PCK2: variants seen among roughly 807,000 people sequenced by gnomAD.
The protein encoded by PCK2 is phosphoenolpyruvate carboxykinase [GTP], mitochondrial.
PCK2 carries 56 observed loss-of-function variants against 65.9 expected under a neutral mutation model. That is an observed-to-expected ratio of 0.85 (90% CI 0.69 to 1.06). The LOEUF is 1.06. Ranked by LOEUF, PCK2 falls within the 50% of genes least tolerant of loss-of-function variation. The pLI is 0.00. For synonymous variants in PCK2, 305 were observed against 319.6 expected, an observed-to-expected ratio of 0.95 and a Z score of 0.49; for missense variants, 843 against 863.1, an observed-to-expected ratio of 0.98 and a Z score of 0.29.
At chr14:24,102,715 G>C in intron 7 of PCK2, 38 bp from the exon 8 acceptor site, 1 of 1,584,564 alleles carries the variant, frequency 6.3e-7, no homozygotes, top group East Asian at 2.2e-5. Flanking sequence ...GGGTCGACAT[G>C]ACCTTGGAAA....
Position 24,094,617 on chromosome 14 carries a change from C to T in PCK2, c.29+183C>T. On this transcript the variant is annotated intron_variant, in intron 1 of 9. Transcript: ENST00000216780. This position sits in a 1 kb window ranked among gnomAD's most constrained non-coding sequence, Gnocchi z 4.1. ...CGCGTCTCTTGGGAGGGCAGCCGGCCGGTGCTCCTCGTTTCCGCCTGCACC... is the reference window on the plus strand; with the variant it reads ...CGCGTCTCTTGGGAGGGCAGCCGGCTGGTGCTCCTCGTTTCCGCCTGCACC... 3 of 1,465,138 alleles carry T rather than the reference C, an allele frequency of 2.0e-6. No homozygotes were observed. Among genetic ancestry groups the T allele is most frequent in the Non-Finnish European group, 2.7e-6 (3 of 1,109,248 alleles). The allele number at this position is 1,465,138 out of a possible 1,614,324, so 90.8% of individuals were successfully genotyped here.
rs1193364826 is a variant in PCK2, at chr14:24,103,730, G to C, written c.1689G>C (p.Glu563Asp). Residue 563 changes from glutamate (E) to aspartate (D), a missense_variant, in exon 10 of 10, where the codon GAG (glutamate) becomes GAC (aspartate). Glu to Asp is a conservative substitution (Grantham distance 45, BLOSUM62 2). Transcript: ENST00000216780. ...RVLDWICRRL[E>D]GEDSARETPI... ...TAGACTGGATCTGCCGGCGGTTAGA[G>C]GGGGAGGACAGTGCCCGAGAGACAC... 4 of 1,614,134 alleles carry C rather than the reference G, an allele frequency of 2.5e-6. No homozygotes were observed. The Admixed American group carries it at 6.7e-5, about 27-fold the overall frequency.
In PCK2 at chr14:24,103,146, C is replaced by T. The variant is rs745878893; in HGVS notation, c.1373-14C>T. 1 of 1,600,806 alleles carries T rather than the reference C, an allele frequency of 6.2e-7. No individual in the cohort carries two copies. ...GAAAAGGGCTGCCTGTGACTCTGTT[C>T]ATTGGTGATCTAGGGGTACCCCTGG... On this transcript the variant is annotated splice_polypyrimidine_tract_variant and intron_variant, in intron 8 of 9. Coordinates refer to ENST00000216780, the MANE Select transcript of PCK2 (RefSeq NM_004563.4).
In PCK2 at chr14:24,096,308, G is replaced by A. The variant is rs1421956204; in HGVS notation, c.30-584G>A. On this transcript the variant is annotated intron_variant, in intron 1 of 9. Transcript: ENST00000216780. ...GGTTGGAGTGCAGTGTCCCGATCTCGGCTCACTGCAACCTCCACCTCCCGG... is the reference window on the plus strand; with the variant it reads ...GGTTGGAGTGCAGTGTCCCGATCTCAGCTCACTGCAACCTCCACCTCCCGG... Among the ~76,000 whole-genome samples the A allele has an allele frequency of 3.0e-5, 4 of 134,734 alleles. No individual in the cohort carries two copies. The Admixed American group carries it at 3.4e-4, about 12-fold the overall frequency. The allele number at this position is 134,734 out of a possible 152,430, so 88.4% of individuals were successfully genotyped here. A position where few individuals can be genotyped will look rare whatever the true frequency, so the allele number is the denominator to read the frequency against.
At chr14:24,103,457 T>C (rs565018366) in intron 9 of PCK2, 53 bp from the exon 10 acceptor site, 3 of 1,477,268 alleles carry the variant, frequency 2.0e-6, no homozygotes, top group East Asian at 4.6e-5. Flanking sequence ...CAGGGTGCCC[T>C]TCCCTACCCC....
rs777695433 is a variant in PCK2 at position 24,103,303 on chromosome 14, G to A, written c.1468+48G>A. On this transcript the variant is annotated intron_variant, in intron 9 of 9. Transcript: ENST00000216780. ...CCTCTCCTGTGTGTGCACACAGCAC[G>A]TCCTCTCTCCCTTCCTGAGCCAGAC... is the stretch of plus-strand genomic sequence containing the variant. The A allele has an allele frequency of 2.1e-5, 31 of 1,445,568 alleles. No individual in the cohort carries two copies. In the East Asian group the frequency reaches 3.7e-4, roughly 17 times the overall value. The allele number at this position is 1,445,568 out of a possible 1,614,324, so 89.5% of individuals were successfully genotyped here. A position where few individuals can be genotyped will look rare whatever the true frequency, so the allele number is the denominator to read the frequency against.
intron 7 of PCK2, 126 bp downstream of exon 7, chr14:24,100,339 G>A (rs1185768267): frequency 6.7e-7 from 1 of 1,489,080 alleles, no homozygotes; most frequent in Admixed American, 2.6e-5. Context: ...ATGAACGTTT[G>A]CAGTTTCCAG....
In PCK2 at chr14:24,094,586, G is replaced by C; in HGVS notation, c.29+152G>C. On this transcript the variant is annotated intron_variant, in intron 1 of 9. Coordinates refer to ENST00000216780, the MANE Select transcript of PCK2 (RefSeq NM_004563.4). This position sits in a 1 kb window ranked among gnomAD's most constrained non-coding sequence, Gnocchi z 4.1. ...GCGACTGCTGTGGGTCCAGCCTCCC[G>C]CGCCGCGCGTCTCTTGGGAGGGCAG... 1 of 1,450,578 alleles carries C rather than the reference G, an allele frequency of 6.9e-7. No individual in the cohort carries two copies. Among genetic ancestry groups the C allele is most frequent in the Non-Finnish European group, 9.0e-7 (1 of 1,104,984 alleles). The allele number at this position is 1,450,578 out of a possible 1,614,324, so 89.9% of individuals were successfully genotyped here.
chr14:24,103,208 T>G lies in PCK2; in HGVS notation c.1421T>G (p.Val474Gly), dbSNP rs748383162. The G allele has an allele frequency of 5.0e-6, 8 of 1,614,142 alleles. No homozygotes were observed. Among genetic ancestry groups the G allele is most frequent in the Non-Finnish European group, 6.8e-6 (8 of 1,179,980 alleles). The change falls in exon 9 of 10, where the codon GTG (valine) becomes GGG (glycine). Residue 474 changes from valine (V) to glycine (G), a missense_variant. Coordinates refer to ENST00000216780, the MANE Select transcript of PCK2 (RefSeq NM_004563.4). ...EAFNWRHGVF[V>G]GSAMRSESTA... The stretch of plus-strand genomic sequence containing the variant: ...TTCAACTGGCGTCATGGGGTGTTTG[T>G]GGGCAGCGCCATGCGCTCTGAGTCC...
chr14:24,099,713 C>T lies in PCK2; in HGVS notation c.1008C>T (p.Asp336=). 6.2e-7 allele frequency: 1 copy of T among 1,613,546 alleles called. No homozygotes were observed. The highest frequency in any genetic ancestry group is 1.1e-5 in the South Asian group (1 of 91,074). ...ATGATATTGCTTGGATGAGGTTTGA[C>T]AGTGAAGGTGAGGGACTCTCAGATC... ...VGDDIAWMRF[D]SEGRLRAINP... The change falls in exon 6 of 10, where the codon GAC becomes GAT. Residue 336 remains aspartate (D), a synonymous_variant. Coordinates refer to ENST00000216780, the MANE Select transcript of PCK2 (RefSeq NM_004563.4).
chr14:24,103,862 T>C lies in PCK2; in HGVS notation c.1821T>C (p.Val607=). The C allele has an allele frequency of 6.2e-7, 1 of 1,614,170 alleles. No individual in the cohort carries two copies. Among genetic ancestry groups the C allele is most frequent in the Non-Finnish European group, 8.5e-7 (1 of 1,180,016 alleles). The change falls in exon 10 of 10, where the codon GTT becomes GTC. Residue 607 remains valine, a synonymous_variant. Transcript: ENST00000216780. ...CCAAGGACTTCTGGGAACAGGAGGT[T>C]CGTGACATTCGGAGCTACCTGACAG... ...SLPKDFWEQE[V]RDIRSYLTEQ...
intron 7 of PCK2, among the ~76,000 whole-genome samples, chr14:24,101,595 G>C (rs1316933005): frequency 6.6e-6 from 1 of 152,192 alleles, no homozygotes; most frequent in Non-Finnish European, 1.5e-5. Context: ...GGTCTAAGCA[G>C]GGCAGGGAAA....
intron 9 of PCK2, 76 bp from the exon 10 acceptor site, chr14:24,103,431 TTCC>T: frequency 7.6e-7 from 1 of 1,318,084 alleles, no homozygotes; most frequent in African/African-American, 1.5e-5. Context: ...CTTTCACAGC[TTCC>T]TCCAACTGGA....
Position 24,098,514 on chromosome 14 carries a change from T to C in PCK2, c.500T>C (p.Val167Ala). The C allele has an allele frequency of 1.9e-6, 3 of 1,614,154 alleles. No homozygotes were observed. Among genetic ancestry groups the C allele is most frequent in the Non-Finnish European group, 2.5e-6 (3 of 1,179,994 alleles). ...MYVLPFSMGP[V>A]GSPLSRIGVQ... ...GTGCTTCCATTCAGCATGGGTCCTG[T>C]GGGCTCCCCGCTGTCCCGCATCGGG... Residue 167 changes from valine (V) to alanine (A), a missense_variant, in exon 4 of 10, where the codon GTG becomes GCG. Physicochemically the swap from Val to Ala is moderately conservative, Grantham distance 64 (BLOSUM62 0). Transcript: ENST00000216780.
At chr14:24,102,613 T>C in intron 7 of PCK2, 140 bp from the exon 8 acceptor site, 1 of 693,692 alleles carries the variant, frequency 1.4e-6, no homozygotes, top group Non-Finnish European at 2.4e-6. Flanking sequence ...CCCCTCTCTC[T>C]GCTCCTTATC....
At position 24,098,458 on chromosome 14, in the gene PCK2, G is replaced by T. The variant is rs1245022822; in HGVS notation, c.461-17G>T. On this transcript the variant is annotated splice_polypyrimidine_tract_variant and intron_variant, in intron 3 of 9. Transcript: ENST00000216780. ...CAGGTTTGGAACCCTTCATCCAGGG[G>T]ATGCCTTCCTCCACAGGCCGCACCA... 1 of 1,613,790 alleles carries T rather than the reference G, an allele frequency of 6.2e-7. No individual in the cohort carries two copies. Among genetic ancestry groups the T allele is most frequent in the Admixed American group, 1.7e-5 (1 of 59,958 alleles).
Position 24,097,030 on chromosome 14 carries a change from A to G in PCK2, c.168A>G (p.Gln56=), listed in dbSNP as rs755700790. Residue 56 remains glutamine, a synonymous_variant, in exon 2 of 10, where the codon CAA becomes CAG. Transcript: ENST00000216780. The part of the protein sequence containing the change: ...DFVEHSARLC[Q]PEGIHICDGT... ...TAGAGCACAGTGCCCGCCTGTGCCA[A>G]CCAGAGGGCATCCACATCTGTGATG... is the stretch of plus-strand genomic sequence containing the variant. The G allele has an allele frequency of 6.2e-7, 1 of 1,613,622 alleles. No homozygotes were observed. Among genetic ancestry groups the G allele is most frequent in the African/African-American group, 1.3e-5 (1 of 74,764 alleles).
In PCK2 at chr14:24,103,722, C is replaced by T. The variant is rs148751402; in HGVS notation, c.1681C>T (p.Arg561Trp). ...NARVLDWICR[R>W]LEGEDSARET... The stretch of plus-strand genomic sequence containing the variant: ...TCGGGTGCTAGACTGGATCTGCCGG[C>T]GGTTAGAGGGGGAGGACAGTGCCCG... Residue 561 changes from arginine (R) to tryptophan (W), a missense_variant, in exon 10 of 10, where the codon CGG (arginine) becomes TGG (tryptophan). Coordinates refer to ENST00000216780, the MANE Select transcript of PCK2 (RefSeq NM_004563.4). 115 of 1,613,972 alleles carry T rather than the reference C, an allele frequency of 7.1e-5. No individual in the cohort carries two copies. The highest frequency in any genetic ancestry group is 8.6e-5 in the Non-Finnish European group (101 of 1,180,004).
In PCK2 at chr14:24,099,029, C is replaced by T; in HGVS notation, c.665-20C>T. On this transcript the variant is annotated intron_variant, in intron 4 of 9. Transcript: ENST00000216780. Reference sequence around the variant, plus strand: ...TTCCTGATGCTGCTGCCAGCAGCCCCATGACCCCATTGTCCCCAGGGGAGC... The same window carrying T: ...TTCCTGATGCTGCTGCCAGCAGCCCTATGACCCCATTGTCCCCAGGGGAGC... 1 of 1,585,154 alleles carries T rather than the reference C, an allele frequency of 6.3e-7. No individual in the cohort carries two copies. The highest frequency in any genetic ancestry group is 2.3e-5 in the East Asian group (1 of 44,338).
Sources: gnomAD v4.1 joint callset for allele counts (sites outside exome capture counted in the v4.1 genomes callset) on GRCh38, gnomAD v4.1.1 for gene constraint, Gnocchi (gnomAD v3.1) non-coding constraint, MANE v1.5 for transcripts, NCBI Gene and HGNC (gene_info 2026-07-23, HGNC 2026-07-21) for gene names.